Variants in ATP8B4 observed in about 807,000 individuals in gnomAD.
The protein encoded by ATP8B4 is ATPase phospholipid transporting 8B4 (putative), also known as probable phospholipid-transporting ATPase IM.
Under a neutral mutation model 145.6 loss-of-function variants are expected in ATP8B4, and 133 were observed. The ratio of observed to expected loss-of-function variants is 0.91; its 90% confidence interval spans 0.79 to 1.05. The LOEUF (loss-of-function observed/expected upper bound fraction) is 1.05. Among genes scored for constraint, ATP8B4 ranks in the 50% least tolerant of loss-of-function variants. The probability of loss-of-function intolerance (pLI) is 0.00; values close to 1 mark genes in which losing one functional copy is unlikely to be tolerated. For synonymous variants in ATP8B4, 507 were observed against 492.9 expected (o/e 1.03, Z -0.38); for missense variants, 1,458 against 1,425.2 (o/e 1.02, Z -0.37).
chr15:50,124,522 C>A (rs2057294753), intron 1 of ATP8B4, among the ~76,000 whole-genome samples: 1 of 152,076 alleles, frequency 6.6e-6, no homozygotes, highest in Non-Finnish European at 1.5e-5. Flanking sequence ...GAGGACTTTT[C>A]TACTCTACTA....
chr15:50,022,680 C>T (rs1051684821), intron 6 of ATP8B4, among the ~76,000 whole-genome samples: 1 of 152,180 alleles, frequency 6.6e-6, no homozygotes, highest in African/African-American at 2.4e-5. Context: ...AACTAGAGTG[C>T]CCCAAAAAAT....
rs185892453 is a variant in ATP8B4 at position 49,858,605 on chromosome 15, G to C, written c.*1589C>G. On this transcript the variant is annotated 3_prime_UTR_variant, in exon 28 of 28. Coordinates refer to ENST00000284509, the MANE Select transcript of ATP8B4 (RefSeq NM_024837.4). ...ACTTTGTCTGACCAAGAATTTAATA[G>C]GGACCAGATTAAGGACTCTGTAGAA... 2 of 152,260 alleles carry C rather than the reference G, an allele frequency of 1.3e-5. No individual in the cohort carries two copies. Among genetic ancestry groups the C allele is most frequent in the Admixed American group, 1.3e-4 (2 of 15,290 alleles). The allele number at this position is 152,260 out of a possible 1,614,324, so 9.4% of individuals were successfully genotyped here. A position where few individuals can be genotyped will look rare whatever the true frequency, so the allele number is the denominator to read the frequency against.
intron 2 of ATP8B4, among the ~76,000 whole-genome samples, chr15:50,080,756 A>C (rs1196422318): frequency 2.6e-5 from 4 of 152,052 alleles, no homozygotes; most frequent in Non-Finnish European, 5.9e-5. Flanking sequence ...TTTTAAGTTC[A>C]ATTAAGGTGT....
At chr15:50,071,966 G>C (rs1245773738) in intron 3 of ATP8B4, among the ~76,000 whole-genome samples, 1 of 151,876 alleles carries the variant, frequency 6.6e-6, no homozygotes, top group East Asian at 1.9e-4. Context: ...TCACAAGTTT[G>C]CATGACTAGC....
intron 1 of ATP8B4, among the ~76,000 whole-genome samples, chr15:50,149,525 A>T (rs2044320650): frequency 6.6e-6 from 1 of 152,222 alleles, no homozygotes; most frequent in African/African-American, 2.4e-5. Context: ...GGTAGGAAAC[A>T]ACTGCAGAGA....
At chr15:50,031,653 T>C (rs530855506) in intron 6 of ATP8B4, among the ~76,000 whole-genome samples, 3 of 152,092 alleles carry the variant, frequency 2.0e-5, no homozygotes, top group Non-Finnish European at 4.4e-5. Context: ...AAGACTGACA[T>C]ACTGGATAAA....
At chr15:49,876,757 G>A in intron 24 of ATP8B4, 2 of 683,222 alleles carry the variant, frequency 2.9e-6, no homozygotes, top group Non-Finnish European at 5.2e-6. Context: ...TTCATGAGAG[G>A]TCACACAGCT....
chr15:50,160,015 C>CTTTTTTTTTT lies in ATP8B4; in HGVS notation c.-43+22236_-43+22245dup, dbSNP rs35773416. Among the ~76,000 whole-genome samples the CTTTTTTTTTT allele has an allele frequency of 5.6e-3, 113 of 20,086 alleles. 21 individuals carry two copies. The highest frequency in any genetic ancestry group is 0.022 in the East Asian group (11 of 498). 13.2% of individuals were successfully genotyped at this position (20,086 alleles called of 152,430 possible). Reference sequence around the variant, plus strand: ...GATAAAATTCAGCATCAGGTCCTGGCTTTTTTTTTTTTTTTTTTTTTTTGC... The same window carrying CTTTTTTTTTT: ...GATAAAATTCAGCATCAGGTCCTGGCTTTTTTTTTTTTTTTTTTTTTTTTTTTTTTTTTGC... On this transcript the variant is annotated intron_variant, in intron 1 of 3. Coordinates refer to the ATP8B4 transcript ENST00000558829.
intron 1 of ATP8B4, among the ~76,000 whole-genome samples, chr15:50,166,200 G>C (rs764124031): frequency 2.0e-5 from 3 of 151,992 alleles, no homozygotes; most frequent in Non-Finnish European, 2.9e-5. Context: ...AAAAATGAAA[G>C]ATAAAGACTT....
chr15:50,004,543 G>C (rs538130264), intron 7 of ATP8B4, among the ~76,000 whole-genome samples: 10 of 152,268 alleles, frequency 6.6e-5, no homozygotes, highest in African/African-American at 2.4e-4. Flanking sequence ...TGTGTTCCAG[G>C]TGTAGGTGTT....
chr15:49,973,971 C>A (rs1473924044), intron 12 of ATP8B4, among the ~76,000 whole-genome samples: 1 of 151,894 alleles, frequency 6.6e-6, no homozygotes, highest in Non-Finnish European at 1.5e-5. Context: ...TTTATTTTTC[C>A]TATTCTGATA....
chr15:50,105,632 G>C (rs774438725), intron 2 of ATP8B4, among the ~76,000 whole-genome samples: 35 of 152,080 alleles, frequency 2.3e-4, no homozygotes, highest in Non-Finnish European at 1.0e-4. Flanking sequence ...ACTATAATTA[G>C]AGCCCTGTAA....
rs58363112 is a variant in ATP8B4, at chr15:50,029,238, T to TAAAA, written c.362+9526_362+9529dup. Among the ~76,000 whole-genome samples the TAAAA allele has an allele frequency of 7.2e-4, 55 of 76,616 alleles. 2 individuals carry two copies. The highest frequency in any genetic ancestry group is 1.9e-3 in the African/African-American group (32 of 16,484). The allele number at this position is 76,616 out of a possible 152,430, so 50.3% of individuals were successfully genotyped here. A position where few individuals can be genotyped will look rare whatever the true frequency, so the allele number is the denominator to read the frequency against. ...CTGGCAACAGAGCAAGACTCCATCTTAAAAAAAAAAAAAAAAAAACAGAAA... is the reference window on the plus strand; with the variant it reads ...CTGGCAACAGAGCAAGACTCCATCTTAAAAAAAAAAAAAAAAAAAAAAACAGAAA... On this transcript the variant is annotated intron_variant, in intron 6 of 27. Coordinates refer to ENST00000284509, the MANE Select transcript of ATP8B4 (RefSeq NM_024837.4).
intron 1 of ATP8B4, among the ~76,000 whole-genome samples, chr15:50,155,153 C>A (rs1009228520): frequency 6.6e-6 from 1 of 151,946 alleles, no homozygotes; most frequent in South Asian, 2.1e-4. Flanking sequence ...TAAGTAAGAA[C>A]CTTGAAGTTA....
Position 50,144,996 on chromosome 15 carries a change from A to G in ATP8B4, c.-43+37265T>C, listed in dbSNP as rs560156028. ...GTTCTTAAAGCCTAGCTGAGCCATG[A>G]AAAGCAGTGACTGATATTAAATAGA... is the stretch of plus-strand genomic sequence containing the variant. On this transcript the variant is annotated intron_variant, in intron 1 of 3. Transcript: ENST00000558829. Among the ~76,000 whole-genome samples the G allele has an allele frequency of 2.0e-5, 3 of 151,654 alleles. No homozygotes were observed. In the South Asian group the frequency reaches 6.3e-4, roughly 32 times the overall value.
At chr15:50,158,051 T>A (rs1281138663) in intron 1 of ATP8B4, among the ~76,000 whole-genome samples, 1 of 152,226 alleles carries the variant, frequency 6.6e-6, no homozygotes, top group African/African-American at 2.4e-5. Flanking sequence ...TCTCGTTCAC[T>A]CAGTGCTCAG....
intron 13 of ATP8B4, among the ~76,000 whole-genome samples, chr15:49,965,608 G>C (rs1022110210): frequency 6.6e-6 from 1 of 152,120 alleles, no homozygotes; most frequent in African/African-American, 2.4e-5. Flanking sequence ...ACAAGAAGTG[G>C]GTATTAATGA....
At chr15:49,886,968 C>T (rs1479995713) in intron 23 of ATP8B4, among the ~76,000 whole-genome samples, 1 of 152,068 alleles carries the variant, frequency 6.6e-6, no homozygotes, top group African/African-American at 2.4e-5. Context: ...TGCCACCATG[C>T]CTGGCTAATT....
At chr15:50,056,127 C>T (rs182692196) in intron 3 of ATP8B4, among the ~76,000 whole-genome samples, 81 of 152,284 alleles carry the variant, frequency 5.3e-4, no homozygotes, top group African/African-American at 1.9e-3. Flanking sequence ...ATCATCTTAA[C>T]GTTCTCCTGA....
Sources: allele counts gnomAD v4.1 joint callset (sites outside exome capture counted in the v4.1 genomes callset), GRCh38; gene constraint gnomAD v4.1.1; transcripts MANE v1.5; gene names NCBI Gene and HGNC (gene_info 2026-07-23, HGNC 2026-07-21).